TG: variants seen among roughly 807,000 people sequenced by gnomAD.
The protein encoded by TG is thyroid hormones.
Under a neutral mutation model 324.7 loss-of-function variants are expected in TG, and 270 were observed. The observed-to-expected ratio is 0.83, with a 90% CI of 0.75 to 0.92. The LOEUF (loss-of-function observed/expected upper bound fraction) is 0.92. Among genes scored for constraint, TG ranks in the 40% least tolerant of loss-of-function variants. The probability of loss-of-function intolerance (pLI) is 0.00; values close to 1 mark genes in which losing one functional copy is unlikely to be tolerated. For synonymous variants in TG, 1,401 were observed against 1,327.0 expected (o/e 1.06, Z -1.21); for missense variants, 3,591 against 3,456.4 (o/e 1.04, Z -0.98).
chr8:132,895,904 A>G (rs141062832), intron 11 of TG, among the ~76,000 whole-genome samples: 3 of 152,236 alleles, frequency 2.0e-5, no homozygotes, highest in Non-Finnish European at 4.4e-5. Flanking sequence ...TTCCTCTCCA[A>G]GTAGCCACAT....
At chr8:133,002,451 C>T in intron 35 of TG, 1 of 972,900 alleles carries the variant, frequency 1.0e-6, no homozygotes, top group Non-Finnish European at 1.2e-6. Flanking sequence ...GCAAGAAATA[C>T]ATTAAATCTG....
Position 133,131,864 on chromosome 8 carries a change from G to C in TG, c.7915G>C (p.Ala2639Pro). Residue 2639 changes from alanine to proline, a missense_variant, in exon 46 of 48, where the codon GCC (alanine) becomes CCC (proline). Coordinates refer to ENST00000220616, the MANE Select transcript of TG (RefSeq NM_003235.5). ...TGCCTTGGGGCTTCCCTTCTACCCA[G>C]CCTACGAGGGGCAGTTTTCTCTGGA... Reference protein sequence around the residue: ...QFALGLPFYPAYEGQFSLEEK... With the variant: ...QFALGLPFYPPYEGQFSLEEK... 1 of 1,614,146 alleles carries C rather than the reference G, an allele frequency of 6.2e-7. No individual in the cohort carries two copies. Among genetic ancestry groups the C allele is most frequent in the Non-Finnish European group, 8.5e-7 (1 of 1,180,022 alleles).
chr8:133,082,940 C>T (rs886746990), intron 41 of TG, among the ~76,000 whole-genome samples: 3 of 152,176 alleles, frequency 2.0e-5, no homozygotes, highest in African/African-American at 7.2e-5. Context: ...CAGTTATAAC[C>T]GACTAGATGG....
intron 35 of TG, among the ~76,000 whole-genome samples, chr8:132,989,372 C>T (rs1036360514): frequency 2.0e-5 from 3 of 152,202 alleles, no homozygotes; most frequent in Admixed American, 2.0e-4. Flanking sequence ...ATGAATACTT[C>T]AACATACCAT....
rs1046477999 is a variant in TG, at chr8:133,133,650, G to A, written c.8178G>A (p.Lys2726=). 1 of 1,613,900 alleles carries A rather than the reference G, an allele frequency of 6.2e-7. No individual in the cohort carries two copies. The highest frequency in any genetic ancestry group is 2.2e-5 in the East Asian group (1 of 44,850). ...GGTCCAAGTACATCTCGTCTCTGAA[G>A]ACATCTGCAGGTAGCAAAGCCCTGG... ...SFWSKYISSL[K]TSADGAKGGQ... Residue 2726 remains lysine, a synonymous_variant, in exon 47 of 48, where the codon AAG becomes AAA. Coordinates refer to ENST00000220616, the MANE Select transcript of TG (RefSeq NM_003235.5).
chr8:132,898,953 C>G, intron 14 of TG, 43 bp downstream of exon 14: 3 of 1,507,904 alleles, frequency 2.0e-6, no homozygotes, highest in Non-Finnish European at 2.8e-6. Flanking sequence ...GACTTGTCCC[C>G]GCTGGTCAGA....
Position 132,948,805 on chromosome 8 carries a change from C to T in TG, c.5263C>T (p.Pro1755Ser), listed in dbSNP as rs1825708089. The change falls in exon 27 of 48, where the codon CCC (proline) becomes TCC (serine). Residue 1755 changes from proline (P) to serine (S), a missense_variant. By Grantham distance (74) the Pro-to-Ser change is moderately conservative. Transcript: ENST00000220616. ...CATCATCTGTGGGTTGCTGAGCTCACCCAGTGTCCTGCTTTGTAATGTCAA... is the reference window on the plus strand; with the variant it reads ...CATCATCTGTGGGTTGCTGAGCTCATCCAGTGTCCTGCTTTGTAATGTCAA... ...GAIICGLLSSPSVLLCNVKDW... is the reference protein window; with the variant it reads ...GAIICGLLSSSSVLLCNVKDW... 3 of 1,614,018 alleles carry T rather than the reference C, an allele frequency of 1.9e-6. No homozygotes were observed. In the South Asian group the frequency reaches 3.3e-5, roughly 18 times the overall value.
chr8:133,018,825 G>C (rs1477625686), intron 38 of TG, among the ~76,000 whole-genome samples: 1 of 152,014 alleles, frequency 6.6e-6, no homozygotes, highest in Non-Finnish European at 1.5e-5. Flanking sequence ...AGGTCCATGG[G>C]CCCATTACTA....
intron 32 of TG, among the ~76,000 whole-genome samples, chr8:132,970,776 G>T (rs1332776510): frequency 6.6e-6 from 1 of 152,162 alleles, no homozygotes. Flanking sequence ...AATGTAGTTG[G>T]CTGGGAAAAT....
intron 41 of TG, among the ~76,000 whole-genome samples, chr8:133,091,643 T>A (rs549983623): frequency 1.2e-4 from 19 of 152,174 alleles, no homozygotes; most frequent in African/African-American, 4.6e-4. Context: ...TGTGTGTATC[T>A]TTGAGTATGT....
chr8:132,871,104 C>T (rs917057402), intron 3 of TG, among the ~76,000 whole-genome samples: 3 of 152,198 alleles, frequency 2.0e-5, no homozygotes, highest in Non-Finnish European at 4.4e-5. Context: ...CATCTCCCCT[C>T]CACAGGACCG....
intron 40 of TG, among the ~76,000 whole-genome samples, chr8:133,023,657 A>G (rs1835753081): frequency 1.3e-5 from 2 of 152,166 alleles, no homozygotes; most frequent in Non-Finnish European, 2.9e-5. Flanking sequence ...CCCTTCCTCT[A>G]GAGGTGGTGA....
Position 132,963,086 on chromosome 8 carries a change from C to T in TG, c.5548+12C>T, listed in dbSNP as rs190016488. Reference sequence around the variant, plus strand: ...TCCAACAGAAGCAGGTACTGACCCCCAAACCTTCTTACACACTTGGGTGTC... The same window carrying T: ...TCCAACAGAAGCAGGTACTGACCCCTAAACCTTCTTACACACTTGGGTGTC... On this transcript the variant is annotated intron_variant, in intron 29 of 47. Transcript: ENST00000220616. The T allele has an allele frequency of 8.7e-6, 14 of 1,613,756 alleles. No homozygotes were observed. Among genetic ancestry groups the T allele is most frequent in the Middle Eastern group, 1.7e-4 (1 of 6,058 alleles).
At chr8:133,039,301 A>T (rs1339968426) in intron 41 of TG, among the ~76,000 whole-genome samples, 1 of 152,208 alleles carries the variant, frequency 6.6e-6, no homozygotes, top group African/African-American at 2.4e-5. Flanking sequence ...TGGACAAATC[A>T]CTTAACCCGT....
At chr8:133,002,446 A>C (rs759502702) in intron 35 of TG, 85 of 975,348 alleles carry the variant, frequency 8.7e-5, no homozygotes, top group Non-Finnish European at 1.0e-4. Flanking sequence ...TTTCAGCAAG[A>C]AATACATTAA....
chr8:132,917,889 A>ATTTTTTTT (rs71299038), intron 20 of TG, among the ~76,000 whole-genome samples: 33,145 of 138,080 alleles, frequency 0.24, 5,013 homozygotes, highest in Non-Finnish European at 0.33. Flanking sequence ...GGTTTTTGCA[A>ATTTTTTTT]TTTTTTTTTT....
At chr8:132,962,846 A>T (rs936168287) in intron 28 of TG, 148 bp from the exon 29 acceptor site, 2 of 769,790 alleles carry the variant, frequency 2.6e-6, no homozygotes, top group East Asian at 2.4e-5. Flanking sequence ...AAGAGTGCAG[A>T]TCCATGTCAG....
chr8:133,095,228 T>C lies in TG; in HGVS notation c.7404+20T>C, dbSNP rs1170343267. Reference sequence around the variant, plus strand: ...ACCAAGGTGAGCACTTAAGTGCAAGTTGGGAAGGGACATTCTCTGGTCTTT... The same window carrying C: ...ACCAAGGTGAGCACTTAAGTGCAAGCTGGGAAGGGACATTCTCTGGTCTTT... On this transcript the variant is annotated intron_variant, in intron 42 of 47. Coordinates refer to ENST00000220616, the MANE Select transcript of TG (RefSeq NM_003235.5). 9.9e-6 allele frequency: 16 copies of C among 1,614,082 alleles called. No individual in the cohort carries two copies. Among genetic ancestry groups the C allele is most frequent in the Non-Finnish European group, 1.4e-5 (16 of 1,180,026 alleles).
intron 5 of TG, among the ~76,000 whole-genome samples, chr8:132,878,931 A>G (rs1040344621): frequency 6.6e-6 from 1 of 151,910 alleles, no homozygotes; most frequent in Non-Finnish European, 1.5e-5. Context: ...ATGGAGCCTG[A>G]CTCTCCAGCT....
Sources: allele counts gnomAD v4.1 joint callset (sites outside exome capture counted in the v4.1 genomes callset), GRCh38; gene constraint gnomAD v4.1.1; transcripts MANE v1.5; gene names NCBI Gene and HGNC (gene_info 2026-07-23, HGNC 2026-07-21).